The following ARB2A variants were observed in gnomAD, a reference collection of about 807,000 sequenced individuals.
ARB2A encodes ARB2 cotranscriptional regulator A, also known as cotranscriptional regulator ARB2A.
At chr5:93,823,529 A>T in the ARB2A span, among the ~76,000 whole-genome samples, 51 of 152,216 alleles carry the variant, frequency 3.4e-4, no homozygotes, top group African/African-American at 1.2e-3. Flanking sequence ...ATGTCTCTTG[A>T]CATTTTAAAC....
At chr5:93,627,365 GCTCT>G in the ARB2A span, among the ~76,000 whole-genome samples, 1 of 151,870 alleles carries the variant, frequency 6.6e-6, no homozygotes, top group African/African-American at 2.4e-5. Context: ...TTTCCAGAAG[GCTCT>G]CTCAATTGAC....
At chr5:93,924,359 C>T in the ARB2A span, among the ~76,000 whole-genome samples, 1 of 152,174 alleles carries the variant, frequency 6.6e-6, no homozygotes, top group African/African-American at 2.4e-5. Flanking sequence ...CCATATGCCA[C>T]TGCTTCCTGC....
chr5:93,683,720 G>A, the ARB2A span: 1 of 1,610,780 alleles, frequency 6.2e-7, no homozygotes, highest in Non-Finnish European at 8.5e-7. Context: ...TCTTCCATCG[G>A]GTGGCGGCAC....
At chr5:93,824,271 T>C in the ARB2A span, 7 of 1,564,344 alleles carry the variant, frequency 4.5e-6, no homozygotes, top group Non-Finnish European at 6.1e-6. Context: ...CATTTTCCTA[T>C]AAGGGAAACA....
the ARB2A span, among the ~76,000 whole-genome samples, chr5:93,967,532 T>C: frequency 6.6e-6 from 1 of 152,006 alleles, no homozygotes; most frequent in South Asian, 2.1e-4. Context: ...CACTTCAAAC[T>C]GCAACGGAGG....
the ARB2A span, among the ~76,000 whole-genome samples, chr5:93,992,579 G>T: frequency 1.3e-5 from 2 of 151,928 alleles, no homozygotes; most frequent in Non-Finnish European, 2.9e-5. Flanking sequence ...TCTACAGAAG[G>T]ATGTAATATA....
chr5:94,042,745 T>C, the ARB2A span, among the ~76,000 whole-genome samples: 1 of 152,210 alleles, frequency 6.6e-6, no homozygotes, highest in Non-Finnish European at 1.5e-5. Flanking sequence ...AATAGTACAC[T>C]AATTCCAAGG....
chr5:94,043,401 T>C, the ARB2A span, among the ~76,000 whole-genome samples: 1 of 152,238 alleles, frequency 6.6e-6, no homozygotes, highest in Non-Finnish European at 1.5e-5. Context: ...TCTCTCTACC[T>C]GATTTCTCCA....
chr5:94,009,775 T>C, the ARB2A span, among the ~76,000 whole-genome samples: 4 of 152,048 alleles, frequency 2.6e-5, no homozygotes, highest in Non-Finnish European at 5.9e-5. Flanking sequence ...TGTGTGTTTT[T>C]CAAGTTGTTT....
chr5:93,641,809 T>C, the ARB2A span, among the ~76,000 whole-genome samples: 1,408 of 152,272 alleles, frequency 9.2e-3, 21 homozygotes, highest in African/African-American at 0.032. Flanking sequence ...TTAATAGTTA[T>C]TTATTCATAC....
chr5:93,836,130 C>T, the ARB2A span, among the ~76,000 whole-genome samples: 1 of 152,150 alleles, frequency 6.6e-6, no homozygotes, highest in African/African-American at 2.4e-5. Flanking sequence ...CAGGTTCGCG[C>T]CATTCTCCTG....
the ARB2A span, among the ~76,000 whole-genome samples, chr5:93,729,162 C>T: frequency 1.3e-5 from 2 of 151,984 alleles, no homozygotes; most frequent in South Asian, 2.1e-4. Context: ...TTATCCTTTA[C>T]GTTGTTCCCC....
chr5:93,940,878 T>C, the ARB2A span, among the ~76,000 whole-genome samples: 8 of 152,228 alleles, frequency 5.3e-5, no homozygotes, highest in African/African-American at 1.4e-4. Flanking sequence ...TCTTTCTACT[T>C]CAGTTCTTCT....
chr5:94,102,318 T>G, the ARB2A span, among the ~76,000 whole-genome samples: 1 of 151,954 alleles, frequency 6.6e-6, no homozygotes, highest in Non-Finnish European at 1.5e-5. Context: ...AAATAGTCAT[T>G]TTAAGAAGGA....
the ARB2A span, chr5:94,050,779 C>T: frequency 4.3e-6 from 7 of 1,612,950 alleles, no homozygotes; most frequent in Non-Finnish European, 5.9e-6. Flanking sequence ...GTAAATCTTC[C>T]CGGTAGTTAA....
chr5:93,817,790 T>TAC, the ARB2A span, among the ~76,000 whole-genome samples: 1 of 152,130 alleles, frequency 6.6e-6, no homozygotes, highest in Non-Finnish European at 1.5e-5. Flanking sequence ...ATTGGACCCT[T>TAC]ACCTCACACA....
chr5:93,885,817 A>G, the ARB2A span, among the ~76,000 whole-genome samples: 3 of 151,750 alleles, frequency 2.0e-5, no homozygotes, highest in Non-Finnish European at 4.4e-5. Flanking sequence ...CATTTTATTC[A>G]GCAAAAGTAC....
chr5:93,667,347 G>A, the ARB2A span, among the ~76,000 whole-genome samples: 1 of 152,100 alleles, frequency 6.6e-6, no homozygotes, highest in African/African-American at 2.4e-5. Flanking sequence ...CTCCTAATGG[G>A]TACTAATCAT....
the ARB2A span, among the ~76,000 whole-genome samples, chr5:93,943,163 A>T: frequency 6.6e-6 from 1 of 152,148 alleles, no homozygotes; most frequent in Admixed American, 6.5e-5. Context: ...ATTAGTGTAC[A>T]TGTTAAATTT....
Sources: allele counts gnomAD v4.1 joint callset (sites outside exome capture counted in the v4.1 genomes callset), GRCh38; gene constraint gnomAD v4.1.1; transcripts MANE v1.5; gene names NCBI Gene and HGNC (gene_info 2026-07-23, HGNC 2026-07-21).